The following PRKAB1 variants were observed in gnomAD, a reference collection of about 807,000 sequenced individuals.
PRKAB1 encodes the protein 5'-AMP-activated protein kinase subunit beta-1.
A neutral mutation model predicts 32.0 loss-of-function variants in PRKAB1; 18 were observed. The observed-to-expected ratio is 0.56, with a 90% CI of 0.39 to 0.83. The LOEUF is 0.83. Among genes scored for constraint, PRKAB1 ranks in the 40% least tolerant of loss-of-function variants. PRKAB1 has a pLI of 0.00. For synonymous variants in PRKAB1, 141 were observed against 141.4 expected, an observed-to-expected ratio of 1.00 and a Z score of 0.02; for missense variants, 263 against 352.6, an observed-to-expected ratio of 0.75 and a Z score of 2.03.
In PRKAB1 at chr12:119,677,768, T is replaced by TG. The variant is rs1167889010; in HGVS notation, c.666+1098_666+1099insG. The TG allele has an allele frequency of 2.1e-5, 3 of 144,678 alleles. No individual in the cohort carries two copies. In the East Asian group the frequency reaches 6.0e-4, roughly 29 times the overall value. The allele number at this position is 144,678 out of a possible 1,614,324, so 9.0% of individuals were successfully genotyped here. ...CCTAAGCTAGTGAGGTTTGTTTTTT[T>TG]TTTTTTTTTTTTTTGAGACGGAGTC... is the stretch of plus-strand genomic sequence containing the variant. On this transcript the variant is annotated intron_variant, in intron 5 of 6. Transcript: ENST00000229328.
chr12:119,671,232 A>G (rs1258490686), intron 1 of PRKAB1, among the ~76,000 whole-genome samples: 2 of 152,152 alleles, frequency 1.3e-5, no homozygotes, highest in African/African-American at 4.8e-5. Context: ...CAGCTCTAGA[A>G]TTGTTCCTCT....
intron 5 of PRKAB1, chr12:119,677,497 G>C (rs1466004493): frequency 6.6e-6 from 1 of 152,360 alleles, no homozygotes; most frequent in African/African-American, 2.4e-5. Flanking sequence ...CTCCTGTGCT[G>C]GGAGTGCCCC....
chr12:119,669,955 G>A (rs1403322566), intron 1 of PRKAB1: 3 of 152,224 alleles, frequency 2.0e-5, no homozygotes, highest in South Asian at 4.1e-4. Flanking sequence ...TCTGTCTGAA[G>A]GAGGCAGCCA....
intron 4 of PRKAB1, among the ~76,000 whole-genome samples, chr12:119,675,608 A>G (rs930787689): frequency 9.9e-5 from 15 of 152,250 alleles, no homozygotes; most frequent in African/African-American, 2.9e-4. Flanking sequence ...ATACGAAGCT[A>G]ATTCCACGTT....
intron 5 of PRKAB1, chr12:119,678,069 T>G (rs535456717): frequency 1.3e-5 from 2 of 152,256 alleles, no homozygotes; most frequent in East Asian, 3.9e-4. Flanking sequence ...TGGCCAGGTT[T>G]TGTTTTTTCT....
At position 119,680,149 on chromosome 12, in the gene PRKAB1, C is replaced by T. The variant is rs779237517; in HGVS notation, c.736-99C>T. The T allele has an allele frequency of 3.7e-4, 558 of 1,492,786 alleles. 1 individual carries two copies. Among genetic ancestry groups the T allele is most frequent in the East Asian group, 1.4e-3 (61 of 43,330 alleles). 92.5% of individuals were successfully genotyped at this position (1,492,786 alleles called of 1,614,324 possible). A position where few individuals can be genotyped will look rare whatever the true frequency, so the allele number is the denominator to read the frequency against. ...TCAGGCTCAGGTTCTGAAGCTGGCC[C>T]GGGAATTTGTGGTTTTATGAAGCCC... On this transcript the variant is annotated intron_variant, in intron 6 of 6. Transcript: ENST00000229328.
At chr12:119,675,484 A>G (rs1163033479) in intron 4 of PRKAB1, among the ~76,000 whole-genome samples, 2 of 152,196 alleles carry the variant, frequency 1.3e-5, no homozygotes, top group Non-Finnish European at 2.9e-5. Flanking sequence ...GAATGGAGGA[A>G]GTGTGCCCAA....
In PRKAB1 at chr12:119,674,224, A is replaced by ACC; in HGVS notation, c.418-116_418-115insCC. The ACC allele has an allele frequency of 4.8e-6, 5 of 1,038,718 alleles. No individual in the cohort carries two copies. The highest frequency in any genetic ancestry group is 7.2e-6 in the Non-Finnish European group (5 of 692,716). The allele number at this position is 1,038,718 out of a possible 1,614,324, so 64.3% of individuals were successfully genotyped here. ...CAGACAGTTGGCATACTTGACCAAG[A>ACC]TGAGCAGGGTGGCTAGCCAGGAGAT... On this transcript the variant is annotated intron_variant, in intron 3 of 6. Transcript: ENST00000229328. The surrounding 1 kb of genome is among the most constrained non-coding windows in gnomAD (Gnocchi z 4.3).
chr12:119,674,518 C>CT lies in PRKAB1; in HGVS notation c.532+66dup. On this transcript the variant is annotated intron_variant, in intron 4 of 6. Coordinates refer to ENST00000229328, the MANE Select transcript of PRKAB1 (RefSeq NM_006253.5). The surrounding 1 kb of genome is among the most constrained non-coding windows in gnomAD (Gnocchi z 4.3). ...GGGGGCTGTACAGTCTAGACATACT[C>CT]TTGTTTCTCTTGCCTCTCTTGAGCT... 1 of 1,187,622 alleles carries CT rather than the reference C, an allele frequency of 8.4e-7. No homozygotes were observed. Among genetic ancestry groups the CT allele is most frequent in the South Asian group, 1.4e-5 (1 of 71,832 alleles). The allele number at this position is 1,187,622 out of a possible 1,614,324, so 73.6% of individuals were successfully genotyped here. A position where few individuals can be genotyped will look rare whatever the true frequency, so the allele number is the denominator to read the frequency against.
intron 4 of PRKAB1, among the ~76,000 whole-genome samples, chr12:119,675,887 G>A (rs1250393193): frequency 3.3e-5 from 5 of 152,290 alleles, no homozygotes; most frequent in South Asian, 4.1e-4. Flanking sequence ...CTGGCCAAAC[G>A]TCACTATCCA....
Position 119,674,217 on chromosome 12 carries a change from G to T in PRKAB1, c.418-123G>T. On this transcript the variant is annotated intron_variant, in intron 3 of 6. Transcript: ENST00000229328. This position sits in a 1 kb window ranked among gnomAD's most constrained non-coding sequence, Gnocchi z 4.3. ...TACCTGTCAGACAGTTGGCATACTT[G>T]ACCAAGATGAGCAGGGTGGCTAGCC... The T allele has an allele frequency of 9.8e-7, 1 of 1,024,824 alleles. No individual in the cohort carries two copies. Among genetic ancestry groups the T allele is most frequent in the South Asian group, 1.5e-5 (1 of 66,526 alleles). The allele number at this position is 1,024,824 out of a possible 1,614,324, so 63.5% of individuals were successfully genotyped here. A position where few individuals can be genotyped will look rare whatever the true frequency, so the allele number is the denominator to read the frequency against.
intron 1 of PRKAB1, 69 bp downstream of exon 1, chr12:119,668,472 C>T (rs1389440583): frequency 6.4e-7 from 1 of 1,555,140 alleles, no homozygotes; most frequent in Non-Finnish European, 8.7e-7. Context: ...CCACTAGATT[C>T]CCGTCACATC....
chr12:119,670,804 C>T (rs1555211116), intron 1 of PRKAB1, among the ~76,000 whole-genome samples: 3 of 152,164 alleles, frequency 2.0e-5, no homozygotes, highest in Non-Finnish European at 4.4e-5. Context: ...AATTAGTTAT[C>T]CTTAGTGTGA....
At chr12:119,668,525 C>T (rs1955358346) in intron 1 of PRKAB1, 122 bp downstream of exon 1, 1 of 1,339,610 alleles carries the variant, frequency 7.5e-7, no homozygotes, top group Admixed American at 2.8e-5. Flanking sequence ...GGTACATTAC[C>T]CGGTGCACTT....
Position 119,674,524 on chromosome 12 carries a change from T to G in PRKAB1, c.532+70T>G. The G allele has an allele frequency of 9.0e-7, 1 of 1,111,172 alleles. No homozygotes were observed. The allele number at this position is 1,111,172 out of a possible 1,614,324, so 68.8% of individuals were successfully genotyped here. A position where few individuals can be genotyped will look rare whatever the true frequency, so the allele number is the denominator to read the frequency against. ...TGTACAGTCTAGACATACTCTTGTT[T>G]CTCTTGCCTCTCTTGAGCTGAAGCT... On this transcript the variant is annotated intron_variant, in intron 4 of 6. Transcript: ENST00000229328. The surrounding 1 kb of genome is among the most constrained non-coding windows in gnomAD (Gnocchi z 4.3).
intron 4 of PRKAB1, among the ~76,000 whole-genome samples, chr12:119,675,740 G>A (rs1727973721): frequency 2.0e-5 from 3 of 152,112 alleles, no homozygotes; most frequent in Admixed American, 1.3e-4. Flanking sequence ...TCACATAAAC[G>A]GGGCTTGTCC....
chr12:119,670,346 C>T (rs112661548), intron 1 of PRKAB1, among the ~76,000 whole-genome samples: 2,165 of 152,228 alleles, frequency 0.014, 45 homozygotes, highest in African/African-American at 0.048. Context: ...TGTGTTTGTC[C>T]TCATGTTGAG....
intron 5 of PRKAB1, 30 bp downstream of exon 5, chr12:119,676,700 C>A (rs757921601): frequency 6.2e-7 from 1 of 1,609,446 alleles, no homozygotes; most frequent in South Asian, 1.1e-5. Flanking sequence ...CCCGGACCAT[C>A]CGCCGTGGGT....
intron 4 of PRKAB1, 141 bp from the exon 5 acceptor site, chr12:119,676,396 G>C: frequency 9.2e-7 from 1 of 1,092,726 alleles, no homozygotes; most frequent in Non-Finnish European, 1.3e-6. Context: ...TGCACTCTTG[G>C]AACCAGTGCA....
Sources: gnomAD v4.1 joint callset for allele counts (sites outside exome capture counted in the v4.1 genomes callset) on GRCh38, gnomAD v4.1.1 for gene constraint, Gnocchi (gnomAD v3.1) non-coding constraint, MANE v1.5 for transcripts, NCBI Gene and HGNC (gene_info 2026-07-23, HGNC 2026-07-21) for gene names.